The following RELN variants were observed in gnomAD, a reference collection of about 807,000 sequenced individuals.
RELN encodes reelin.
A neutral mutation model predicts 427.6 loss-of-function variants in RELN; 108 were observed. The observed-to-expected ratio is 0.25, with a 90% CI of 0.22 to 0.30. The LOEUF is 0.30. Ranked by LOEUF, RELN falls within the 10% of genes least tolerant of loss-of-function variation. RELN has a pLI of 1.00. For missense variants in RELN, 3,715 were observed against 4,302.8 expected, an observed-to-expected ratio of 0.86 and a Z score of 3.82; for synonymous variants, 1,524 against 1,513.4, an observed-to-expected ratio of 1.01 and a Z score of -0.16.
intron 3 of RELN, among the ~76,000 whole-genome samples, chr7:103,793,953 G>T (rs1174390878): frequency 6.6e-6 from 1 of 152,122 alleles, no homozygotes; most frequent in Admixed American, 6.6e-5. Flanking sequence ...TTTTAGTAGA[G>T]ATGGGGTTTC....
At position 103,561,593 on chromosome 7, in the gene RELN, G is replaced by T. The variant is rs1244373166; in HGVS notation, c.5468C>A (p.Ala1823Glu). ...HPDLWPEVYGAERGNLNGETI... is the reference protein window; with the variant it reads ...HPDLWPEVYGEERGNLNGETI... Reference sequence around the variant, plus strand: ...TTCACCATTCAGATTCCCCCTCTCTGCACCATACACTTCAGGCCAAAGGTC... The same window carrying T: ...TTCACCATTCAGATTCCCCCTCTCTTCACCATACACTTCAGGCCAAAGGTC... Residue 1823 changes from alanine (A) to glutamate (E), a missense_variant, in exon 36 of 65, where the codon GCA becomes GAA. Physicochemically the swap from Ala to Glu is moderately radical, Grantham distance 107 (BLOSUM62 -1). Coordinates refer to ENST00000428762, the MANE Select transcript of RELN (RefSeq NM_005045.4). 8 of 1,613,722 alleles carry T rather than the reference G, an allele frequency of 5.0e-6. No homozygotes were observed. The highest frequency in any genetic ancestry group is 3.3e-5 in the Admixed American group (2 of 59,994).
intron 61 of RELN, among the ~76,000 whole-genome samples, chr7:103,484,705 G>A (rs759048765): frequency 2.6e-5 from 4 of 152,198 alleles, no homozygotes; most frequent in Non-Finnish European, 5.9e-5. Context: ...TCTTGTTAGA[G>A]TATTTCATTT....
chr7:103,833,954 A>G (rs908753755), intron 2 of RELN, among the ~76,000 whole-genome samples: 4 of 152,200 alleles, frequency 2.6e-5, no homozygotes, highest in African/African-American at 9.7e-5. Context: ...AACCACCAGG[A>G]CCAACCTGCA....
Position 103,541,408 on chromosome 7 carries a change from G to A in RELN, c.6672-953C>T, listed in dbSNP as rs542192416. 7.2e-5 allele frequency among the ~76,000 whole-genome samples: 11 copies of A among 152,304 alleles called. No homozygotes were observed. The East Asian group carries it at 2.1e-3, about 29-fold the overall frequency. On this transcript the variant is annotated intron_variant, in intron 43 of 64. Coordinates refer to ENST00000428762, the MANE Select transcript of RELN (RefSeq NM_005045.4). ...AAGATGTATAATAAAAATATTATCA[G>A]TACCATATGTAAAACCATTCATTCC...
At chr7:103,901,264 G>T (rs769951565) in intron 2 of RELN, among the ~76,000 whole-genome samples, 5 of 151,994 alleles carry the variant, frequency 3.3e-5, no homozygotes, top group African/African-American at 4.8e-5. Context: ...GCAAATGTTG[G>T]GAAGGATGTG....
chr7:103,486,493 T>G (rs1828444905), intron 60 of RELN, 77 bp from the exon 61 acceptor site: 4 of 1,164,114 alleles, frequency 3.4e-6, no homozygotes, highest in Non-Finnish European at 5.1e-6. Context: ...GTATTCAAGT[T>G]CAGGTTTAAG....
At chr7:103,609,217 T>G (rs1414097411) in intron 22 of RELN, among the ~76,000 whole-genome samples, 6 of 84,706 alleles carry the variant, frequency 7.1e-5, no homozygotes. Flanking sequence ...AGCAAGACTC[T>G]GTCTCAAAAA....
At chr7:103,728,544 A>C (rs1790271408) in intron 6 of RELN, among the ~76,000 whole-genome samples, 2 of 152,134 alleles carry the variant, frequency 1.3e-5, no homozygotes, top group Admixed American at 1.3e-4. Context: ...CAAAACACAG[A>C]ATACAGAACC....
In RELN at chr7:103,496,586, T is replaced by A. The variant is rs780490902; in HGVS notation, c.9133A>T (p.Asn3045Tyr). 6.2e-7 allele frequency: 1 copy of A among 1,614,202 alleles called. No individual in the cohort carries two copies. Among genetic ancestry groups the A allele is most frequent in the Non-Finnish European group, 8.5e-7 (1 of 1,180,030 alleles). ...ATTTCTGCTCCACCAATCAAAATGT[T>A]GTCCAGTGCCCACTGAGCACGCTCC... Reference protein sequence around the residue: ...GVERAQWALDNILIGGAEINP... With the variant: ...GVERAQWALDYILIGGAEINP... Residue 3045 changes from asparagine to tyrosine, a missense_variant, in exon 56 of 65, where the codon AAC becomes TAC. Asn to Tyr is a moderately radical substitution (Grantham distance 143). Transcript: ENST00000428762.
intron 20 of RELN, among the ~76,000 whole-genome samples, chr7:103,622,480 A>T (rs1361454445): frequency 1.3e-5 from 2 of 152,308 alleles, no homozygotes; most frequent in Admixed American, 6.5e-5. Context: ...TTTTTTAAAC[A>T]TAAGGAAGAT....
chr7:103,872,309 C>A (rs1303961792), intron 2 of RELN, among the ~76,000 whole-genome samples: 1 of 134,096 alleles, frequency 7.5e-6, no homozygotes, highest in Admixed American at 7.7e-5. Flanking sequence ...TGAGAATATG[C>A]GGTGTTTGGT....
At chr7:103,565,126 C>T (rs1470842082) in intron 34 of RELN, 152 bp downstream of exon 34, 5 of 985,382 alleles carry the variant, frequency 5.1e-6, no homozygotes, top group Non-Finnish European at 7.8e-6. Context: ...AAACTTGCAA[C>T]CCAAAGCACC....
intron 3 of RELN, among the ~76,000 whole-genome samples, chr7:103,788,414 T>C (rs1360755518): frequency 2.0e-5 from 3 of 152,188 alleles, no homozygotes; most frequent in South Asian, 2.1e-4. Flanking sequence ...TGTTTGCAGA[T>C]GACACGATTG....
chr7:103,489,594 G>T, intron 60 of RELN, 148 bp downstream of exon 60: 1 of 929,570 alleles, frequency 1.1e-6, no homozygotes, highest in South Asian at 1.4e-5. Context: ...TTGTCCCAAA[G>T]TTAAAGAGTG....
chr7:103,649,694 G>C (rs1056333889), intron 16 of RELN, among the ~76,000 whole-genome samples: 1 of 151,792 alleles, frequency 6.6e-6, no homozygotes, highest in South Asian at 2.1e-4. Context: ...AAGTGGTATC[G>C]ACTTTAAAAT....
At chr7:103,857,330 G>A (rs1310646039) in intron 2 of RELN, among the ~76,000 whole-genome samples, 1 of 152,200 alleles carries the variant, frequency 6.6e-6, no homozygotes, top group African/African-American at 2.4e-5. Context: ...TAGCAGTATT[G>A]TGATTGCAAT....
intron 20 of RELN, among the ~76,000 whole-genome samples, chr7:103,624,572 G>A (rs957236065): frequency 5.3e-5 from 8 of 152,144 alleles, no homozygotes; most frequent in East Asian, 1.9e-4. Flanking sequence ...GATTACAGGC[G>A]TCCGCCACCA....
In RELN at chr7:103,489,918, G is replaced by A. The variant is rs762579090; in HGVS notation, c.9606-19C>T. ...TGTTGCACTGAAAGAACCACAGAGA[G>A]CAGAAGGGATTCAGTAGGTTGTTAC... On this transcript the variant is annotated intron_variant, in intron 59 of 64. Transcript: ENST00000428762. 6.2e-7 allele frequency: 1 copy of A among 1,613,894 alleles called. No individual in the cohort carries two copies. Among genetic ancestry groups the A allele is most frequent in the South Asian group, 1.1e-5 (1 of 91,072 alleles).
chr7:103,619,752 G>A (rs1832173116), intron 20 of RELN, among the ~76,000 whole-genome samples: 1 of 152,158 alleles, frequency 6.6e-6, no homozygotes, highest in South Asian at 2.1e-4. Context: ...GAAAGAGGGA[G>A]ACCAAGGGTC....
Sources: gnomAD v4.1 joint callset for allele counts (sites outside exome capture counted in the v4.1 genomes callset) on GRCh38, gnomAD v4.1.1 for gene constraint, MANE v1.5 for transcripts, NCBI Gene and HGNC (gene_info 2026-07-23, HGNC 2026-07-21) for gene names.